Variants in PDE1C observed in about 807,000 individuals in gnomAD.
PDE1C encodes dual specificity calcium/calmodulin-dependent 3',5'-cyclic nucleotide phosphodiesterase 1C.
A neutral mutation model predicts 93.1 loss-of-function variants in PDE1C; 62 were observed. The observed-to-expected ratio is 0.67, with a 90% confidence interval of 0.54 to 0.82. The LOEUF is 0.82. Ranked by LOEUF, PDE1C falls within the 40% of genes least tolerant of loss-of-function variation. The pLI, the probability that PDE1C is intolerant of heterozygous loss-of-function variation, is 0.00. For synonymous variants in PDE1C, 325 were observed against 310.1 expected (o/e 1.05, Z -0.50); for missense variants, 742 against 884.6 (o/e 0.84, Z 2.04).
chr7:31,679,320 T>C, the PDE1C span, among the ~76,000 whole-genome samples: 1 of 152,294 alleles, frequency 6.6e-6, no homozygotes, highest in East Asian at 1.9e-4. Flanking sequence ...TATAGTAATA[T>C]GAGGCATGTA....
chr7:32,202,596 T>G (rs1264438829), intron 2 of PDE1C, among the ~76,000 whole-genome samples: 1 of 152,154 alleles, frequency 6.6e-6, no homozygotes, highest in African/African-American at 2.4e-5. Flanking sequence ...ACAACTGTGT[T>G]TGATGAAAGG....
upstream of PDE1C, among the ~76,000 whole-genome samples, chr7:32,299,784 G>A (rs1192922980): frequency 1.3e-5 from 2 of 152,140 alleles, no homozygotes; most frequent in African/African-American, 4.8e-5. Flanking sequence ...TTTTCCCACC[G>A]ATCAGCAAGC....
intron 1 of PDE1C, among the ~76,000 whole-genome samples, chr7:32,054,036 A>G (rs1793725049): frequency 6.6e-6 from 1 of 151,996 alleles, no homozygotes; most frequent in African/African-American, 2.4e-5. Flanking sequence ...AGCAGGGACT[A>G]TAAAGTGAGG....
At chr7:32,095,135 A>G (rs1797681651) in intron 3 of PDE1C, among the ~76,000 whole-genome samples, 1 of 152,242 alleles carries the variant, frequency 6.6e-6, no homozygotes, top group African/African-American at 2.4e-5. Flanking sequence ...ATATATAGGA[A>G]ATTTATAATA....
intron 2 of PDE1C, among the ~76,000 whole-genome samples, chr7:32,021,210 A>G (rs1350855114): frequency 2.6e-5 from 4 of 152,066 alleles, no homozygotes; most frequent in Admixed American, 1.3e-4. Flanking sequence ...TTCTGCCTGG[A>G]TTTTCCCACA....
chr7:32,020,373 A>C (rs944536729), intron 2 of PDE1C, among the ~76,000 whole-genome samples: 1 of 152,086 alleles, frequency 6.6e-6, no homozygotes, highest in Non-Finnish European at 1.5e-5. Flanking sequence ...GAAATTCTTC[A>C]TATTTTTTCT....
At chr7:32,105,185 C>T (rs367798138) in intron 3 of PDE1C, among the ~76,000 whole-genome samples, 2 of 152,146 alleles carry the variant, frequency 1.3e-5, no homozygotes, top group African/African-American at 4.8e-5. Context: ...ACACTTACCC[C>T]CTTTCTCTCC....
At chr7:32,238,937 A>G (rs750859671) in intron 1 of PDE1C, among the ~76,000 whole-genome samples, 1 of 152,180 alleles carries the variant, frequency 6.6e-6, no homozygotes, top group Non-Finnish European at 1.5e-5. Flanking sequence ...GAAAGGATTG[A>G]CAAGCAACAA....
chr7:32,369,696 C>T (rs1784289466), intron 1 of PDE1C, among the ~76,000 whole-genome samples: 2 of 152,184 alleles, frequency 1.3e-5, no homozygotes, highest in Admixed American at 1.3e-4. Context: ...CCCATGTTTA[C>T]TGTAGTACTA....
the PDE1C span, among the ~76,000 whole-genome samples, chr7:31,624,793 G>A: frequency 2.0e-5 from 3 of 152,034 alleles, no homozygotes; most frequent in African/African-American, 7.2e-5. Flanking sequence ...AAACTAAAGA[G>A]CTTCTGCACA....
At chr7:32,322,313 T>C (rs546958173) in intron 1 of PDE1C, among the ~76,000 whole-genome samples, 2 of 152,186 alleles carry the variant, frequency 1.3e-5, no homozygotes, top group East Asian at 1.9e-4. Flanking sequence ...AAGACAGACA[T>C]GTTAGCCAGG....
chr7:32,031,870 C>T (rs750101297), intron 2 of PDE1C, among the ~76,000 whole-genome samples: 3 of 152,056 alleles, frequency 2.0e-5, no homozygotes, highest in Non-Finnish European at 2.9e-5. Context: ...TGTGTCCAGA[C>T]GTTGTCAGAG....
intron 17 of PDE1C, among the ~76,000 whole-genome samples, chr7:31,772,090 T>A (rs887285001): frequency 2.6e-5 from 4 of 151,854 alleles, no homozygotes; most frequent in Non-Finnish European, 4.4e-5. Flanking sequence ...GGGTTCTTTC[T>A]CTCTCTCGCC....
intron 2 of PDE1C, among the ~76,000 whole-genome samples, chr7:31,886,978 T>C (rs1798034904): frequency 6.6e-6 from 1 of 151,746 alleles, no homozygotes; most frequent in Non-Finnish European, 1.5e-5. Context: ...CTGGAGATAA[T>C]GGGGAACCCC....
chr7:31,940,696 T>C (rs1337839576), intron 2 of PDE1C, among the ~76,000 whole-genome samples: 1 of 152,194 alleles, frequency 6.6e-6, no homozygotes, highest in East Asian at 1.9e-4. Context: ...GAAACCCATC[T>C]ATGTGCAGAT....
At chr7:31,972,612 G>C (rs2129050183) in intron 2 of PDE1C, among the ~76,000 whole-genome samples, 1 of 152,236 alleles carries the variant, frequency 6.6e-6, no homozygotes, top group Non-Finnish European at 1.5e-5. Context: ...TCTTTTCCCT[G>C]CTAAGTATGA....
intron 1 of PDE1C, among the ~76,000 whole-genome samples, chr7:32,365,143 T>G (rs998505000): frequency 3.3e-5 from 5 of 152,102 alleles, no homozygotes; most frequent in African/African-American, 4.8e-5. Flanking sequence ...GGACCTGCAA[T>G]CAGGGCTTGA....
intron 1 of PDE1C, among the ~76,000 whole-genome samples, chr7:32,231,819 G>A (rs1393013499): frequency 1.3e-5 from 2 of 152,158 alleles, no homozygotes; most frequent in East Asian, 1.9e-4. Flanking sequence ...AATAATATTA[G>A]AGAATCCATT....
chr7:31,756,680 C>T (rs1435106507), intron 17 of PDE1C, among the ~76,000 whole-genome samples: 1 of 152,152 alleles, frequency 6.6e-6, no homozygotes, highest in Non-Finnish European at 1.5e-5. Flanking sequence ...TCCCCCTGCT[C>T]CTCTCTGTGC....
Sources: gnomAD v4.1 joint callset for allele counts (sites outside exome capture counted in the v4.1 genomes callset) on GRCh38, gnomAD v4.1.1 for gene constraint, MANE v1.5 for transcripts, NCBI Gene and HGNC (gene_info 2026-07-23, HGNC 2026-07-21) for gene names.